Variants in CUL3 observed in about 807,000 individuals in gnomAD.
CUL3 encodes the protein cullin-3.
CUL3 carries 19 observed loss-of-function variants against 89.1 expected under a neutral mutation model. The observed-to-expected ratio is 0.21, with a 90% confidence interval of 0.15 to 0.31. The LOEUF is 0.31. CUL3 is among the 10% of genes least tolerant of loss of function. The pLI is 1.00. For synonymous variants in CUL3, 351 were observed against 308.4 expected (o/e 1.14, Z -1.45); for missense variants, 469 against 942.3 (o/e 0.50, Z 6.58).
At chr2:224,528,935 A>G (rs1693584665) in intron 3 of CUL3, among the ~76,000 whole-genome samples, 1 of 152,188 alleles carries the variant, frequency 6.6e-6, no homozygotes, top group Non-Finnish European at 1.5e-5. Context: ...TCAAGAAGAA[A>G]CACAAAAATA....
intron 1 of CUL3, among the ~76,000 whole-genome samples, chr2:224,573,118 AATT>A (rs1695220335): frequency 6.6e-6 from 1 of 152,226 alleles, no homozygotes; most frequent in Non-Finnish European, 1.5e-5. Flanking sequence ...AAAAGTAGTA[AATT>A]ATTACTAGAG....
At chr2:224,499,217 A>T (rs1692281896) in intron 11 of CUL3, among the ~76,000 whole-genome samples, 1 of 152,220 alleles carries the variant, frequency 6.6e-6, no homozygotes, top group African/African-American at 2.4e-5. Context: ...ATACATTTTG[A>T]CATCAAGGTC....
At chr2:224,558,265 T>C (rs1459747812) in intron 1 of CUL3, among the ~76,000 whole-genome samples, 1 of 152,172 alleles carries the variant, frequency 6.6e-6, no homozygotes. Context: ...AAGAATAACA[T>C]ATGCCCATAT....
intron 2 of CUL3, among the ~76,000 whole-genome samples, chr2:224,554,025 C>A (rs954124173): frequency 1.1e-4 from 16 of 152,194 alleles, no homozygotes; most frequent in Admixed American, 1.0e-3. Context: ...ATTGACCATA[C>A]TGGAGCCCAA....
rs530044531 is a variant in CUL3, at chr2:224,558,355, G to C, written c.67-499C>G. On this transcript the variant is annotated intron_variant, in intron 1 of 15. Coordinates refer to ENST00000264414, the MANE Select transcript of CUL3 (RefSeq NM_003590.5). Reference sequence around the variant, plus strand: ...TGCAACCCCACAATTCCACTAGTCAGTCTACTCACTCTACTCTTCTAGATG... The same window carrying C: ...TGCAACCCCACAATTCCACTAGTCACTCTACTCACTCTACTCTTCTAGATG... 4.1e-4 allele frequency among the ~76,000 whole-genome samples: 63 copies of C among 152,178 alleles called. 1 individual carries two copies. Among genetic ancestry groups the C allele is most frequent in the African/African-American group, 1.4e-3 (59 of 41,520 alleles).
intron 11 of CUL3, chr2:224,499,709 C>G (rs1352723649): frequency 2.8e-5 from 6 of 211,898 alleles, no homozygotes; most frequent in Admixed American, 2.6e-4. Flanking sequence ...GCAAAAACTT[C>G]TGCCCCTTGT....
chr2:224,527,728 G>A (rs192036211), intron 3 of CUL3, among the ~76,000 whole-genome samples: 3 of 152,086 alleles, frequency 2.0e-5, no homozygotes, highest in Admixed American at 6.5e-5. Context: ...GAACGATCCC[G>A]TTTCTCATTC....
chr2:224,474,583 A>G (rs1055253798), intron 15 of CUL3: 9 of 506,148 alleles, frequency 1.8e-5, no homozygotes, highest in Middle Eastern at 5.4e-4. Flanking sequence ...TGTGAATGCT[A>G]AAGTGGATAG....
At chr2:224,515,625 T>C (rs985219425) in intron 3 of CUL3, among the ~76,000 whole-genome samples, 26 of 152,060 alleles carry the variant, frequency 1.7e-4, no homozygotes, top group Admixed American at 1.4e-3. Flanking sequence ...TAGCTAACGA[T>C]AAGGTGAACA....
chr2:224,492,575 A>C (rs1692027664), intron 13 of CUL3, among the ~76,000 whole-genome samples: 1 of 152,186 alleles, frequency 6.6e-6, no homozygotes, highest in Admixed American at 6.5e-5. Flanking sequence ...GGTACAGACT[A>C]CCACTGTATG....
At chr2:224,553,063 A>T (rs1694573753) in intron 2 of CUL3, among the ~76,000 whole-genome samples, 1 of 152,218 alleles carries the variant, frequency 6.6e-6, no homozygotes, top group South Asian at 2.1e-4. Context: ...ACAAACTGAG[A>T]CTTACTACCT....
At chr2:224,476,608 C>G (rs1691332303) in intron 15 of CUL3, among the ~76,000 whole-genome samples, 2 of 152,108 alleles carry the variant, frequency 1.3e-5, no homozygotes, top group African/African-American at 4.8e-5. Flanking sequence ...ATACTTACAC[C>G]AAATCTTGCT....
chr2:224,530,634 C>T (rs911837422), intron 3 of CUL3, among the ~76,000 whole-genome samples: 3 of 152,212 alleles, frequency 2.0e-5, no homozygotes, highest in Non-Finnish European at 2.9e-5. Context: ...TGGTTGGGCA[C>T]AGTGGCTCAT....
chr2:224,555,700 CACA>C (rs1349722432), intron 2 of CUL3, among the ~76,000 whole-genome samples: 6 of 152,190 alleles, frequency 3.9e-5, no homozygotes, highest in Admixed American at 3.9e-4. Context: ...TATATAATTT[CACA>C]ACATCTGCCA....
intron 9 of CUL3, among the ~76,000 whole-genome samples, 155 bp from the exon 10 acceptor site, chr2:224,503,227 T>C (rs1433231973): frequency 1.3e-5 from 2 of 152,226 alleles, no homozygotes; most frequent in Admixed American, 6.5e-5. Context: ...TATCAAACTT[T>C]AGGATTTTAA....
At chr2:224,543,331 A>T (rs1003205263) in intron 2 of CUL3, among the ~76,000 whole-genome samples, 3 of 152,230 alleles carry the variant, frequency 2.0e-5, no homozygotes, top group Admixed American at 6.5e-5. Flanking sequence ...AAAAAATACT[A>T]ATCATGTATT....
chr2:224,520,312 A>C (rs1254622288), intron 3 of CUL3, among the ~76,000 whole-genome samples: 1 of 152,206 alleles, frequency 6.6e-6, no homozygotes, highest in Non-Finnish European at 1.5e-5. Flanking sequence ...AGCTAGGTGG[A>C]CCTGTGGTGA....
At chr2:224,584,011 A>C (rs1237081067) in intron 1 of CUL3, among the ~76,000 whole-genome samples, 2 of 152,232 alleles carry the variant, frequency 1.3e-5, no homozygotes, top group Non-Finnish European at 2.9e-5. Context: ...GACATAGGCA[A>C]GTATGCCCAG....
chr2:224,471,079 T>C lies in CUL3; in HGVS notation c.*3166A>G, dbSNP rs530172153. On this transcript the variant is annotated 3_prime_UTR_variant, in exon 16 of 16. Transcript: ENST00000264414. ...TATGATAAGCACTTAAATGTTAACA[T>C]TTCTAATTATTTCTGCTTTGAGGAC... The C allele has an allele frequency of 5.6e-4, 124 of 222,520 alleles. No individual in the cohort carries two copies. Among genetic ancestry groups the C allele is most frequent in the Middle Eastern group, 2.8e-3 (2 of 714 alleles). The allele number at this position is 222,520 out of a possible 1,614,324, so 13.8% of individuals were successfully genotyped here. A position where few individuals can be genotyped will look rare whatever the true frequency, so the allele number is the denominator to read the frequency against.
Sources: allele counts gnomAD v4.1 joint callset (sites outside exome capture counted in the v4.1 genomes callset), GRCh38; gene constraint gnomAD v4.1.1; transcripts MANE v1.5; gene names NCBI Gene and HGNC (gene_info 2026-07-23, HGNC 2026-07-21).